Variants in SYNE1 observed in about 807,000 individuals in gnomAD.
The protein encoded by SYNE1 is spectrin repeat containing nuclear envelope protein 1.
Under a neutral mutation model 1,111.0 loss-of-function variants are expected in SYNE1, and 616 were observed. The observed-to-expected ratio is 0.55, with a 90% CI of 0.52 to 0.59. The LOEUF (loss-of-function observed/expected upper bound fraction) is 0.59, where lower values mean the gene tolerates loss of function less well. SYNE1 is among the 20% of genes least tolerant of loss of function. SYNE1 has a pLI of 0.00. For synonymous variants in SYNE1, 3,855 were observed against 3,825.8 expected (o/e 1.01, Z -0.28); for missense variants, 10,006 against 10,417.0 (o/e 0.96, Z 1.72).
At chr6:152,468,893 A>G (rs1386232902) in intron 16 of SYNE1, among the ~76,000 whole-genome samples, 2 of 152,132 alleles carry the variant, frequency 1.3e-5, no homozygotes, top group Non-Finnish European at 2.9e-5. Context: ...CTCCTGCCTC[A>G]GCCTCCTGAG....
chr6:152,367,750 T>C (rs952873684), intron 61 of SYNE1: 3 of 260,120 alleles, frequency 1.2e-5, no homozygotes, highest in African/African-American at 2.2e-5. Context: ...ATGACCTACA[T>C]TGTAGCCAGA....
chr6:152,387,114 C>T lies in SYNE1; in HGVS notation c.8445G>A (p.Glu2815=). 1 of 1,614,152 alleles carries T rather than the reference C, an allele frequency of 6.2e-7. No homozygotes were observed. The highest frequency in any genetic ancestry group is 8.5e-7 in the Non-Finnish European group (1 of 1,180,002). ...EDESFKDTAQ[E]ELKTQFNDIM... ...TATCATTAAACTGTGTTTTCAGCTC[C>T]TCTTGAGCTGTGTCCTTGAAAGACT... The change falls in exon 54 of 146, where the codon GAG becomes GAA. Residue 2815 remains glutamate, a synonymous_variant. Coordinates refer to ENST00000367255, the MANE Select transcript of SYNE1 (RefSeq NM_182961.4).
rs752053839 is a variant in SYNE1 at position 152,281,922 on chromosome 6, C to A, written c.18266G>T (p.Arg6089Leu). 8 of 1,614,118 alleles carry A rather than the reference C, an allele frequency of 5.0e-6. No individual in the cohort carries two copies. Among genetic ancestry groups the A allele is most frequent in the South Asian group, 2.2e-5 (2 of 91,070 alleles). Residue 6089 changes from arginine to leucine, a missense_variant, in exon 97 of 146, where the codon CGC becomes CTC. Arg to Leu is a moderately radical substitution (Grantham distance 102). This residue lies in a region of SYNE1 where 99 missense variants were observed against 147.8 expected (regional missense o/e 0.67). Coordinates refer to ENST00000367255, the MANE Select transcript of SYNE1 (RefSeq NM_182961.4). ...QRQEQALQRYRCEADELDSWL... is the reference protein window; with the variant it reads ...QRQEQALQRYLCEADELDSWL... Reference sequence around the variant, plus strand: ...GCTGTCCAGCTCATCGGCTTCACAGCGATACCTCTGCAGGGCCTGTTCCTG... The same window carrying A: ...GCTGTCCAGCTCATCGGCTTCACAGAGATACCTCTGCAGGGCCTGTTCCTG...
intron 51 of SYNE1, among the ~76,000 whole-genome samples, chr6:152,392,582 T>G (rs1056953958): frequency 5.3e-5 from 8 of 152,174 alleles, no homozygotes; most frequent in Non-Finnish European, 1.0e-4. Context: ...GGAGTGGCTG[T>G]TATGCAAATA....
At chr6:152,217,520 G>A (rs2079041399) in intron 121 of SYNE1, among the ~76,000 whole-genome samples, 1 of 152,018 alleles carries the variant, frequency 6.6e-6, no homozygotes, top group South Asian at 2.1e-4. Flanking sequence ...AGCTAATTAA[G>A]TAAAACCCTT....
chr6:152,321,482 A>G (rs550152715), intron 83 of SYNE1, 92 bp from the exon 84 acceptor site: 1 of 1,463,616 alleles, frequency 6.8e-7, no homozygotes, highest in East Asian at 2.3e-5. Context: ...CATATAATTA[A>G]GTGTGGAATT....
intron 100 of SYNE1, 46 bp from the exon 101 acceptor site, chr6:152,262,234 G>A (rs777499326): frequency 6.4e-7 from 1 of 1,570,416 alleles, no homozygotes; most frequent in Non-Finnish European, 8.7e-7. Flanking sequence ...GCACAAAAAA[G>A]TGATAAGACA....
At chr6:152,613,311 C>A (rs889883705) in intron 3 of SYNE1, among the ~76,000 whole-genome samples, 9 of 152,180 alleles carry the variant, frequency 5.9e-5, no homozygotes, top group Non-Finnish European at 1.3e-4. Context: ...CTCAGGATTA[C>A]AAAATCAATG....
chr6:152,219,257 G>T, intron 119 of SYNE1, 72 bp from the exon 120 acceptor site: 1 of 1,390,200 alleles, frequency 7.2e-7, no homozygotes, highest in Non-Finnish European at 1.0e-6. Flanking sequence ...ATCGGCAAAG[G>T]GCTACACATG....
At chr6:152,218,089 G>T (rs1474639191) in intron 121 of SYNE1, among the ~76,000 whole-genome samples, 168 bp downstream of exon 121, 1 of 151,930 alleles carries the variant, frequency 6.6e-6, no homozygotes, top group East Asian at 1.9e-4. Flanking sequence ...TAGCTACTCG[G>T]GAGGATGAGG....
In SYNE1 at chr6:152,399,622, A is replaced by G; in HGVS notation, c.7231T>C (p.Phe2411Leu). 1 of 1,614,124 alleles carries G rather than the reference A, an allele frequency of 6.2e-7. No homozygotes were observed. The highest frequency in any genetic ancestry group is 8.5e-7 in the Non-Finnish European group (1 of 1,179,998). ...AAGGCCCCTCAGAACTCACCACTGA[A>G]GTGTTTTTCCAGAGATTCCTGCAGG... Reference protein sequence around the residue: ...ASLQESLEKHFSESMQEFQEW... With the variant: ...ASLQESLEKHLSESMQEFQEW... The change falls in exon 48 of 146, where the codon TTC becomes CTC. Residue 2411 changes from phenylalanine to leucine, a missense_variant. Phe to Leu is a conservative substitution (Grantham distance 22, BLOSUM62 0). Coordinates refer to ENST00000367255, the MANE Select transcript of SYNE1 (RefSeq NM_182961.4).
intron 3 of SYNE1, among the ~76,000 whole-genome samples, chr6:152,540,482 G>C (rs1364631155): frequency 6.6e-6 from 1 of 152,218 alleles, no homozygotes; most frequent in Non-Finnish European, 1.5e-5. Context: ...ATAAGATAGA[G>C]CCGTATACAT....
At chr6:152,134,567 G>A (rs750889549) in intron 142 of SYNE1, 13 of 164,564 alleles carry the variant, frequency 7.9e-5, no homozygotes, top group East Asian at 1.8e-4. Context: ...TACTCGGGAG[G>A]GTGAGGCAGG....
intron 39 of SYNE1, among the ~76,000 whole-genome samples, chr6:152,420,045 C>A (rs1363883566): frequency 6.6e-6 from 1 of 152,082 alleles, no homozygotes; most frequent in Non-Finnish European, 1.5e-5. Context: ...AATTCTGATG[C>A]CTTAGTATAT....
At chr6:152,303,897 GCACATGCACACACACACACACA>G (rs1216091073) in intron 91 of SYNE1, among the ~76,000 whole-genome samples, 1 of 144,614 alleles carries the variant, frequency 6.9e-6, no homozygotes, top group East Asian at 2.1e-4. Context: ...AAACACGTGT[GCACATGCACACACACACACACA>G]CACACACATT....
At chr6:152,423,164 G>A (rs559501613) in intron 39 of SYNE1, among the ~76,000 whole-genome samples, 11 of 152,246 alleles carry the variant, frequency 7.2e-5, no homozygotes, top group African/African-American at 2.6e-4. Context: ...AACAAGACCA[G>A]CTTTGCTAGC....
chr6:152,325,019 T>A, intron 81 of SYNE1, 65 bp downstream of exon 81: 1 of 1,579,214 alleles, frequency 6.3e-7, no homozygotes, highest in South Asian at 1.1e-5. Flanking sequence ...GGCAAAATAC[T>A]GTGTTTCAAA....
chr6:152,588,244 C>G (rs1420111508), intron 3 of SYNE1, among the ~76,000 whole-genome samples: 1 of 152,128 alleles, frequency 6.6e-6, no homozygotes, highest in African/African-American at 2.4e-5. Context: ...CAACAAAACC[C>G]ACAAGAAAAT....
At position 152,128,061 on chromosome 6, in the gene SYNE1, A is replaced by G. The variant is rs1364379396; in HGVS notation, c.26153+2659T>C. On this transcript the variant is annotated intron_variant, in intron 145 of 145. Coordinates refer to ENST00000367255, the MANE Select transcript of SYNE1 (RefSeq NM_182961.4). ...TTTGCTACATCCGGACTACAGTGCA[A>G]TTATTCCTTTGCCTTGCTGGAAATT... 3 of 152,326 alleles carry G rather than the reference A, an allele frequency of 2.0e-5. No individual in the cohort carries two copies. In the East Asian group the frequency reaches 5.8e-4, roughly 29 times the overall value. The allele number at this position is 152,326 out of a possible 1,614,324, so 9.4% of individuals were successfully genotyped here.
Sources: allele counts gnomAD v4.1 joint callset (sites outside exome capture counted in the v4.1 genomes callset), GRCh38; gene constraint gnomAD v4.1.1; regional missense constraint gnomAD v4.1.1; transcripts MANE v1.5; gene names NCBI Gene and HGNC (gene_info 2026-07-23, HGNC 2026-07-21).